The following MCTP2 variants were observed in gnomAD, a reference collection of about 807,000 sequenced individuals.
MCTP2 encodes multiple C2 and transmembrane domain containing 2.
Under a neutral mutation model 111.6 loss-of-function variants are expected in MCTP2, and 132 were observed. That is an observed-to-expected ratio of 1.18 (90% CI 1.03 to 1.37). The LOEUF (loss-of-function observed/expected upper bound fraction) is 1.37. Among genes scored for constraint, MCTP2 ranks in the 40% most tolerant of loss-of-function variants. The probability of loss-of-function intolerance (pLI) is 0.00; values close to 1 mark genes in which losing one functional copy is unlikely to be tolerated. For missense variants in MCTP2, 1,183 were observed against 1,067.9 expected, an observed-to-expected ratio of 1.11 and a Z score of -1.50; for synonymous variants, 395 against 387.7, an observed-to-expected ratio of 1.02 and a Z score of -0.22.
At chr15:94,431,846 A>G (rs766399198) in intron 17 of MCTP2, among the ~76,000 whole-genome samples, 33 of 152,188 alleles carry the variant, frequency 2.2e-4, no homozygotes, top group Non-Finnish European at 4.6e-4. Flanking sequence ...TTATTTAAAG[A>G]TACACTGTTT....
chr15:94,378,805 C>T (rs76093324), intron 12 of MCTP2, among the ~76,000 whole-genome samples: 35 of 152,238 alleles, frequency 2.3e-4, no homozygotes, highest in East Asian at 9.7e-4. Context: ...AAAGGCTGGA[C>T]GTACATGAAA....
chr15:94,346,153 A>G (rs990813041), intron 8 of MCTP2, among the ~76,000 whole-genome samples: 2 of 152,206 alleles, frequency 1.3e-5, no homozygotes, highest in African/African-American at 4.8e-5. Context: ...AGAGAGAAAC[A>G]GAGAATTTTA....
chr15:94,313,092 C>A (rs1038645626), intron 2 of MCTP2, among the ~76,000 whole-genome samples: 2 of 152,102 alleles, frequency 1.3e-5, no homozygotes, highest in African/African-American at 4.8e-5. Flanking sequence ...ATGAAGTTAT[C>A]CAGTCGTCTT....
intron 2 of MCTP2, among the ~76,000 whole-genome samples, chr15:94,314,077 C>G (rs372748141): frequency 6.6e-6 from 1 of 152,212 alleles, no homozygotes; most frequent in Non-Finnish European, 1.5e-5. Context: ...TTCCTCTTAT[C>G]CAGTGACTTA....
At chr15:94,410,727 A>T (rs1006421231) in intron 17 of MCTP2, among the ~76,000 whole-genome samples, 1 of 152,212 alleles carries the variant, frequency 6.6e-6, no homozygotes, top group Non-Finnish European at 1.5e-5. Flanking sequence ...ACTGCTTAGG[A>T]TAATGTTGGG....
At chr15:94,340,546 C>G (rs1461867123) in intron 6 of MCTP2, among the ~76,000 whole-genome samples, 3 of 152,112 alleles carry the variant, frequency 2.0e-5, no homozygotes, top group Non-Finnish European at 4.4e-5. Context: ...GTTTCATTAA[C>G]ATAACTTAAA....
chr15:94,268,250 C>T (rs1284802085), intron 1 of MCTP2, among the ~76,000 whole-genome samples: 1 of 144,052 alleles, frequency 6.9e-6, no homozygotes, highest in South Asian at 2.3e-4. Context: ...GGCACAATCT[C>T]GGCCACTGCA....
intron 1 of MCTP2, among the ~76,000 whole-genome samples, chr15:94,235,871 A>C (rs2070503482): frequency 6.6e-6 from 1 of 152,256 alleles, no homozygotes; most frequent in Non-Finnish European, 1.5e-5. Flanking sequence ...ATTGGCCAAG[A>C]GGCAGGCCTG....
intron 8 of MCTP2, among the ~76,000 whole-genome samples, chr15:94,352,430 G>A (rs2078355191): frequency 6.6e-6 from 1 of 152,184 alleles, no homozygotes; most frequent in Non-Finnish European, 1.5e-5. Context: ...GGTGGGGGCT[G>A]AGAAAGACAG....
At chr15:94,296,376 A>G (rs1224557442) in intron 1 of MCTP2, among the ~76,000 whole-genome samples, 1 of 152,238 alleles carries the variant, frequency 6.6e-6, no homozygotes, top group Non-Finnish European at 1.5e-5. Context: ...GACCCAATAC[A>G]AAGTAATTGA....
intron 12 of MCTP2, among the ~76,000 whole-genome samples, chr15:94,383,776 T>A (rs1394414596): frequency 6.6e-6 from 1 of 152,182 alleles, no homozygotes; most frequent in African/African-American, 2.4e-5. Flanking sequence ...GATATTTGGG[T>A]GGGGACACAA....
At chr15:94,349,592 G>A (rs202096068) in intron 8 of MCTP2, among the ~76,000 whole-genome samples, 1 of 151,944 alleles carries the variant, frequency 6.6e-6, no homozygotes, top group South Asian at 2.1e-4. Flanking sequence ...AGGCTGAGGC[G>A]GGCGGATCAC....
intron 8 of MCTP2, among the ~76,000 whole-genome samples, chr15:94,346,018 C>CCCTCTCCCCCCT (rs2077961711): frequency 6.6e-6 from 1 of 151,984 alleles, no homozygotes; most frequent in Non-Finnish European, 1.5e-5. Context: ...AATACGCCAG[C>CCCTCTCCCCCCT]TCTGATTTCT....
At chr15:94,245,443 CATATAT>C (rs1257549779) in intron 1 of MCTP2, among the ~76,000 whole-genome samples, 1 of 132,054 alleles carries the variant, frequency 7.6e-6, no homozygotes, top group Non-Finnish European at 1.6e-5. Context: ...TATATATACA[CATATAT>C]GTATATGTAT....
At chr15:94,445,900 C>A (rs2084090563) in intron 19 of MCTP2, among the ~76,000 whole-genome samples, 1 of 152,222 alleles carries the variant, frequency 6.6e-6, no homozygotes, top group Non-Finnish European at 1.5e-5. Context: ...CTCCTTCCCA[C>A]CACATACCAT....
chr15:94,371,370 A>G (rs1263645637), intron 12 of MCTP2, among the ~76,000 whole-genome samples: 4 of 152,184 alleles, frequency 2.6e-5, no homozygotes, highest in Non-Finnish European at 4.4e-5. Context: ...TTTTATGAAA[A>G]CAGTCAACAT....
At chr15:94,344,343 T>C (rs1161236618) in intron 7 of MCTP2, among the ~76,000 whole-genome samples, 1 of 152,166 alleles carries the variant, frequency 6.6e-6, no homozygotes, top group Non-Finnish European at 1.5e-5. Flanking sequence ...TTAAGAAAAA[T>C]AGTAAATGTG....
chr15:94,296,191 A>G (rs1203625951), intron 1 of MCTP2, among the ~76,000 whole-genome samples: 1 of 152,182 alleles, frequency 6.6e-6, no homozygotes, highest in Non-Finnish European at 1.5e-5. Flanking sequence ...GAAGGAAAAT[A>G]TTGCTATATG....
chr15:94,464,258 TATA>T (rs2085427921), intron 20 of MCTP2, among the ~76,000 whole-genome samples: 1 of 27,536 alleles, frequency 3.6e-5, no homozygotes, highest in African/African-American at 1.9e-4. Flanking sequence ...ATATATATAT[TATA>T]TATATATATA....
Sources: gnomAD v4.1 joint callset for allele counts (sites outside exome capture counted in the v4.1 genomes callset) on GRCh38, gnomAD v4.1.1 for gene constraint, MANE v1.5 for transcripts, NCBI Gene and HGNC (gene_info 2026-07-23, HGNC 2026-07-21) for gene names.